The following TAB2 variants were observed in gnomAD, a reference collection of about 807,000 sequenced individuals.
The protein encoded by TAB2 is TGF-beta activated kinase 1 (MAP3K7) binding protein 2.
A neutral mutation model predicts 65.0 loss-of-function variants in TAB2; 3 were observed. The observed-to-expected ratio is 0.05, with a 90% CI of 0.02 to 0.12. The LOEUF (loss-of-function observed/expected upper bound fraction) is 0.12. TAB2 is among the 10% of genes least tolerant of loss of function. The pLI is 1.00. For missense variants in TAB2, 623 were observed against 840.3 expected, an observed-to-expected ratio of 0.74 and a Z score of 3.20; for synonymous variants, 298 against 285.1, an observed-to-expected ratio of 1.05 and a Z score of -0.46.
intron 1 of TAB2, among the ~76,000 whole-genome samples, chr6:149,327,093 G>A (rs1476550685): frequency 1.3e-5 from 2 of 152,114 alleles, no homozygotes; most frequent in African/African-American, 4.8e-5. Context: ...ATTCAGATCT[G>A]TGGTACAAAG....
Position 149,294,116 on chromosome 6 carries a change from T to C in TAB2, c.-121+75340T>C, listed in dbSNP as rs1257264780. ...TATTTTGTTTTAGTCAGTAGCTATG[T>C]TAGTTTGCTAGGGATGCCATAACAG... On this transcript the variant is annotated intron_variant, in intron 1 of 1. Coordinates refer to the TAB2 transcript ENST00000606202. 2.0e-5 allele frequency among the ~76,000 whole-genome samples: 3 copies of C among 152,184 alleles called. No individual in the cohort carries two copies. The East Asian group carries it at 5.8e-4, about 29-fold the overall frequency.
At chr6:149,340,361 G>T (rs979473596) in intron 1 of TAB2, among the ~76,000 whole-genome samples, 21 of 152,160 alleles carry the variant, frequency 1.4e-4, no homozygotes. Context: ...TATTAGTAAC[G>T]TCAAGCTAGT....
intron 6 of TAB2, chr6:149,401,127 AT>A: frequency 5.8e-6 from 1 of 171,196 alleles, no homozygotes; most frequent in Non-Finnish European, 1.4e-5. Context: ...ACCAAGGACA[AT>A]TTTATAACTT....
chr6:149,252,623 T>C (rs1434857261), intron 1 of TAB2, among the ~76,000 whole-genome samples: 2 of 152,216 alleles, frequency 1.3e-5, no homozygotes, highest in Non-Finnish European at 2.9e-5. Context: ...AAATATTTTA[T>C]ATTAATTATT....
At chr6:149,258,328 G>T (rs1040343932) in intron 1 of TAB2, among the ~76,000 whole-genome samples, 12 of 151,962 alleles carry the variant, frequency 7.9e-5, no homozygotes, top group African/African-American at 2.9e-4. Flanking sequence ...AAGTCATTCA[G>T]TGATGTCACT....
rs1325360586 is a variant in TAB2, at chr6:149,342,949, A to G, written c.-90+24934A>G. ...TTATAGTCATCTTGCTTTAAAGTATAGTAACACTAACATCTAGGTAACATG... is the reference window on the plus strand; with the variant it reads ...TTATAGTCATCTTGCTTTAAAGTATGGTAACACTAACATCTAGGTAACATG... On this transcript the variant is annotated intron_variant, in intron 1 of 6. Transcript: ENST00000637181. The G allele has an allele frequency of 2.0e-5, 3 of 152,244 alleles. No homozygotes were observed. The East Asian group carries it at 5.8e-4, about 29-fold the overall frequency. 9.4% of individuals were successfully genotyped at this position (152,244 alleles called of 1,614,324 possible). A position where few individuals can be genotyped will look rare whatever the true frequency, so the allele number is the denominator to read the frequency against.
At chr6:149,262,199 A>G (rs986894552) in intron 1 of TAB2, among the ~76,000 whole-genome samples, 7 of 152,248 alleles carry the variant, frequency 4.6e-5, no homozygotes, top group African/African-American at 1.7e-4. Flanking sequence ...TATACCAAGC[A>G]TCAAAGTCAG....
chr6:149,400,545 G>A (rs1045677447), intron 6 of TAB2: 2 of 1,614,076 alleles, frequency 1.2e-6, no homozygotes, highest in African/African-American at 1.3e-5. Flanking sequence ...TGAACCACGG[G>A]GATTGTCAGT....
At chr6:149,276,991 A>G (rs1389949381) in intron 1 of TAB2, among the ~76,000 whole-genome samples, 1 of 152,158 alleles carries the variant, frequency 6.6e-6, no homozygotes, top group Non-Finnish European at 1.5e-5. Context: ...ATGTCTCACA[A>G]GATCTGATTA....
chr6:149,396,535 T>C (rs566172036), intron 3 of TAB2, among the ~76,000 whole-genome samples: 18 of 152,370 alleles, frequency 1.2e-4, no homozygotes, highest in African/African-American at 4.1e-4. Context: ...CTGCTTTATT[T>C]TTCTCAAGAT....
chr6:149,381,069 G>A (rs960377549), intron 3 of TAB2, among the ~76,000 whole-genome samples: 11 of 152,176 alleles, frequency 7.2e-5, no homozygotes, highest in African/African-American at 2.7e-4. Flanking sequence ...GCACTCCAGC[G>A]TGGGCAACAT....
intron 1 of TAB2, among the ~76,000 whole-genome samples, chr6:149,223,103 T>C (rs1245749861): frequency 2.6e-5 from 4 of 152,212 alleles, no homozygotes; most frequent in Non-Finnish European, 5.9e-5. Flanking sequence ...ACATGAAATA[T>C]TGAAATATAT....
rs1285513904 is a variant in TAB2 at position 149,407,776 on chromosome 6, TA to T, written c.1940-1787del. Reference sequence around the variant, plus strand: ...TATTTAGTTTCCGAACACCTCTAATTAAAAAAAAAAAAAATCATAATTCTAA... The same window carrying T: ...TATTTAGTTTCCGAACACCTCTAATTAAAAAAAAAAAAATCATAATTCTAA... On this transcript the variant is annotated intron_variant, in intron 6 of 6. Coordinates refer to ENST00000637181, the MANE Select transcript of TAB2 (RefSeq NM_001292034.3). Among the ~76,000 whole-genome samples, 427 of 139,038 alleles carry T rather than the reference TA, an allele frequency of 3.1e-3. 1 individual carries two copies. Among genetic ancestry groups the T allele is most frequent in the East Asian group, 5.9e-3 (29 of 4,940 alleles). The allele number at this position is 139,038 out of a possible 152,430, so 91.2% of individuals were successfully genotyped here.
Position 149,403,293 on chromosome 6 carries a change from C to CATATAT in TAB2, c.1939+4110_1939+4111insTATATA, listed in dbSNP as rs769018737. Among the ~76,000 whole-genome samples the CATATAT allele has an allele frequency of 2.3e-3, 142 of 61,828 alleles. 1 individual carries two copies. Among genetic ancestry groups the CATATAT allele is most frequent in the Admixed American group, 4.0e-3 (24 of 5,978 alleles). The allele number at this position is 61,828 out of a possible 152,430, so 40.6% of individuals were successfully genotyped here. A position where few individuals can be genotyped will look rare whatever the true frequency, so the allele number is the denominator to read the frequency against. The stretch of plus-strand genomic sequence containing the variant: ...ATATATATATATATATACACACACA[C>CATATAT]ACATATATATATATATATATACACA... On this transcript the variant is annotated intron_variant, in intron 6 of 6. Coordinates refer to ENST00000637181, the MANE Select transcript of TAB2 (RefSeq NM_001292034.3).
chr6:149,260,969 A>G (rs181546290), intron 1 of TAB2, among the ~76,000 whole-genome samples: 4 of 152,342 alleles, frequency 2.6e-5, no homozygotes, highest in African/African-American at 9.6e-5. Flanking sequence ...ATTTGAAGCT[A>G]TATTTCCTCT....
intron 1 of TAB2, among the ~76,000 whole-genome samples, chr6:149,303,331 C>T (rs1354296667): frequency 1.3e-5 from 2 of 152,194 alleles, no homozygotes; most frequent in African/African-American, 4.8e-5. Flanking sequence ...AAACTGTCTT[C>T]CACAAAACCG....
intron 1 of TAB2, among the ~76,000 whole-genome samples, chr6:149,351,079 T>C (rs563834696): frequency 6.6e-6 from 1 of 152,222 alleles, no homozygotes; most frequent in South Asian, 2.1e-4. Context: ...CTGCCTTACT[T>C]CTTTTATACT....
intron 1 of TAB2, among the ~76,000 whole-genome samples, chr6:149,227,892 C>G (rs1304355249): frequency 6.6e-6 from 1 of 152,094 alleles, no homozygotes; most frequent in Non-Finnish European, 1.5e-5. Flanking sequence ...GTTTGAAACT[C>G]TTCATAATAA....
At chr6:149,385,540 G>GAT (rs1781763807) in intron 3 of TAB2, among the ~76,000 whole-genome samples, 1 of 152,140 alleles carries the variant, frequency 6.6e-6, no homozygotes, top group Non-Finnish European at 1.5e-5. Context: ...AGTTGACATT[G>GAT]GACCACTTAC....
Sources: gnomAD v4.1 joint callset for allele counts (sites outside exome capture counted in the v4.1 genomes callset) on GRCh38, gnomAD v4.1.1 for gene constraint, MANE v1.5 for transcripts, NCBI Gene and HGNC (gene_info 2026-07-23, HGNC 2026-07-21) for gene names.